JARID2: variants seen among roughly 807,000 people sequenced by gnomAD.
JARID2 encodes the protein protein Jumonji.
A neutral mutation model predicts 125.6 loss-of-function variants in JARID2; 21 were observed. That is an observed-to-expected ratio of 0.17 (90% CI 0.12 to 0.24). JARID2 has a LOEUF of 0.24. JARID2 is among the 10% of genes least tolerant of loss of function. The pLI is 1.00. For missense variants in JARID2, 1,303 were observed against 1,639.6 expected, an observed-to-expected ratio of 0.79 and a Z score of 3.55; for synonymous variants, 736 against 661.6, an observed-to-expected ratio of 1.11 and a Z score of -1.73.
chr6:15,517,232 C>G lies in JARID2; in HGVS notation c.3522C>G (p.Ser1174=), dbSNP rs1195043001. The change falls in exon 17 of 18, where the codon TCC becomes TCG. Residue 1174 remains serine, a synonymous_variant. Coordinates refer to ENST00000341776, the MANE Select transcript of JARID2 (RefSeq NM_004973.4). The stretch of plus-strand genomic sequence containing the variant: ...TGCGCCACGTGGAGAAACAGAAGTC[C>G]TGCCGAGGGCTGAAGTTGATGTACC... The part of the protein sequence containing the change: ...CALRHVEKQK[S]CRGLKLMYRY... 1 of 1,614,030 alleles carries G rather than the reference C, an allele frequency of 6.2e-7. No individual in the cohort carries two copies. Among genetic ancestry groups the G allele is most frequent in the African/African-American group, 1.3e-5 (1 of 75,062 alleles).
chr6:15,338,079 G>A lies in JARID2; in HGVS notation c.46-36038G>A, dbSNP rs55679817. ...GCCGACAGCAGGGAGAAATGGAGGCGTAGGTGAGGGCAGTTAATTCCTATT... is the reference window on the plus strand; with the variant it reads ...GCCGACAGCAGGGAGAAATGGAGGCATAGGTGAGGGCAGTTAATTCCTATT... On this transcript the variant is annotated intron_variant, in intron 1 of 17. Coordinates refer to ENST00000341776, the MANE Select transcript of JARID2 (RefSeq NM_004973.4). Among the ~76,000 whole-genome samples, 1,425 of 152,310 alleles carry A rather than the reference G, an allele frequency of 9.4e-3. 12 individuals carry two copies. Among genetic ancestry groups the A allele is most frequent in the Middle Eastern group, 0.024 (7 of 294 alleles).
chr6:15,458,957 A>T (rs942055487), intron 4 of JARID2, among the ~76,000 whole-genome samples: 3 of 152,248 alleles, frequency 2.0e-5, no homozygotes, highest in African/African-American at 7.2e-5. Context: ...GGGTGACATC[A>T]TAATACACCT....
At chr6:15,248,407 C>G (rs1759276166) in intron 1 of JARID2, 1 of 37,530 alleles carries the variant, frequency 2.7e-5, no homozygotes, top group Non-Finnish European at 5.3e-5. Flanking sequence ...CTGCGGGGCG[C>G]GGGGAGGGGA....
chr6:15,416,333 A>C (rs1581531290), intron 3 of JARID2, among the ~76,000 whole-genome samples: 2 of 152,266 alleles, frequency 1.3e-5, no homozygotes, highest in African/African-American at 4.8e-5. Context: ...AGGCCAAGGC[A>C]GGCGGCTGGG....
At chr6:15,451,125 A>T (rs1316627517) in intron 3 of JARID2, among the ~76,000 whole-genome samples, 1 of 152,222 alleles carries the variant, frequency 6.6e-6, no homozygotes, top group Non-Finnish European at 1.5e-5. Flanking sequence ...GTGGCAACAC[A>T]GCAAGACTCC....
At chr6:15,428,369 A>G (rs934636752) in intron 3 of JARID2, among the ~76,000 whole-genome samples, 31 of 152,092 alleles carry the variant, frequency 2.0e-4, no homozygotes, top group Admixed American at 1.6e-3. Flanking sequence ...TGCTGCACCC[A>G]TTAACTCATC....
chr6:15,357,792 TA>T (rs1763656396), intron 1 of JARID2, among the ~76,000 whole-genome samples: 1 of 152,224 alleles, frequency 6.6e-6, no homozygotes, highest in Admixed American at 6.5e-5. Context: ...TTGTGTCTTT[TA>T]GGACGACACT....
chr6:15,270,235 C>T (rs1411877501), intron 1 of JARID2, among the ~76,000 whole-genome samples: 7 of 152,158 alleles, frequency 4.6e-5, no homozygotes, highest in African/African-American at 1.2e-4. Flanking sequence ...TGGGTTCACG[C>T]GATTCTCCTG....
intron 1 of JARID2, among the ~76,000 whole-genome samples, chr6:15,366,507 GGC>G (rs1763979780): frequency 7.4e-6 from 1 of 135,746 alleles, no homozygotes; most frequent in Non-Finnish European, 1.6e-5. Context: ...GTGGGTGGGG[GGC>G]GGGGGGGGCG....
At chr6:15,290,634 C>T (rs1396510773) in intron 1 of JARID2, among the ~76,000 whole-genome samples, 2 of 152,088 alleles carry the variant, frequency 1.3e-5, no homozygotes, top group African/African-American at 2.4e-5. Context: ...TTTTTTCCCC[C>T]CCAAGACAGT....
At chr6:15,259,869 A>C (rs770633147) in intron 1 of JARID2, among the ~76,000 whole-genome samples, 1 of 152,206 alleles carries the variant, frequency 6.6e-6, no homozygotes, top group African/African-American at 2.4e-5. Context: ...ATTTTTACTT[A>C]GATCTGACTC....
At chr6:15,333,940 G>T (rs1288086300) in intron 1 of JARID2, among the ~76,000 whole-genome samples, 1 of 152,158 alleles carries the variant, frequency 6.6e-6, no homozygotes, top group Non-Finnish European at 1.5e-5. Context: ...GAGAATAGAA[G>T]GGTGCTTCCC....
intron 4 of JARID2, among the ~76,000 whole-genome samples, chr6:15,456,526 A>C (rs1349295191): frequency 6.6e-6 from 1 of 151,990 alleles, no homozygotes; most frequent in Non-Finnish European, 1.5e-5. Context: ...CTGTTTTGCT[A>C]TTTCTTTTAT....
At chr6:15,318,956 G>GT (rs1380783550) in intron 1 of JARID2, among the ~76,000 whole-genome samples, 2 of 152,164 alleles carry the variant, frequency 1.3e-5, no homozygotes, top group African/African-American at 4.8e-5. Context: ...GCTAATTTCT[G>GT]TTTTCTTTAC....
intron 2 of JARID2, among the ~76,000 whole-genome samples, chr6:15,377,861 GT>G (rs915902477): frequency 2.1e-5 from 3 of 142,772 alleles, no homozygotes; most frequent in African/African-American, 5.2e-5. Flanking sequence ...CAAGATGTAT[GT>G]TTTTTTTTCA....
chr6:15,479,642 G>GT (rs1409673611), intron 5 of JARID2, among the ~76,000 whole-genome samples: 1 of 152,170 alleles, frequency 6.6e-6, no homozygotes, highest in Non-Finnish European at 1.5e-5. Context: ...TTCCAGAAGC[G>GT]TTTTACAAAG....
At chr6:15,484,384 T>C (rs1003722980) in intron 5 of JARID2, among the ~76,000 whole-genome samples, 2 of 151,664 alleles carry the variant, frequency 1.3e-5, no homozygotes, top group African/African-American at 2.4e-5. Context: ...CCCAGAGGAG[T>C]AGGAGGTTGT....
chr6:15,403,343 G>A (rs1765511783), intron 2 of JARID2, among the ~76,000 whole-genome samples: 1 of 152,148 alleles, frequency 6.6e-6, no homozygotes, highest in Non-Finnish European at 1.5e-5. Context: ...GTCCCCCTGG[G>A]ATTGTTGGTT....
chr6:15,323,464 C>T (rs1043174199), intron 1 of JARID2, among the ~76,000 whole-genome samples: 3 of 152,106 alleles, frequency 2.0e-5, no homozygotes, highest in African/African-American at 4.8e-5. Flanking sequence ...GCAAACTTGT[C>T]GTCTTTTGTC....
Sources: allele counts gnomAD v4.1 joint callset (sites outside exome capture counted in the v4.1 genomes callset), GRCh38; gene constraint gnomAD v4.1.1; transcripts MANE v1.5; gene names NCBI Gene and HGNC (gene_info 2026-07-23, HGNC 2026-07-21).